Variants in MAN1A2 observed in about 807,000 individuals in gnomAD.
The protein encoded by MAN1A2 is mannosyl-oligosaccharide 1,2-alpha-mannosidase IB.
MAN1A2 carries 26 observed loss-of-function variants against 75.7 expected under a neutral mutation model. That is an observed-to-expected ratio of 0.34 (90% CI 0.25 to 0.48). The LOEUF (loss-of-function observed/expected upper bound fraction) is 0.48. Among genes scored for constraint, MAN1A2 ranks in the 20% least tolerant of loss-of-function variants. MAN1A2 has a pLI of 0.99. For synonymous variants in MAN1A2, 247 were observed against 264.6 expected (o/e 0.93, Z 0.65); for missense variants, 562 against 775.5 (o/e 0.72, Z 3.27).
chr1:117,458,997 CT>C (rs1649722875), intron 6 of MAN1A2, among the ~76,000 whole-genome samples: 1 of 152,010 alleles, frequency 6.6e-6, no homozygotes, highest in Admixed American at 6.6e-5. Flanking sequence ...GTCATGAAAG[CT>C]AGACAAAATA....
rs1252608848 is a variant in MAN1A2, at chr1:117,523,671, C to G, written c.*714C>G. On this transcript the variant is annotated 3_prime_UTR_variant, in exon 13 of 13. Coordinates refer to ENST00000356554, the MANE Select transcript of MAN1A2 (RefSeq NM_006699.5). ...TTTTCTTCTTATGGAATCATCGAAA[C>G]TGCTATTTATCATAATCACCACTTA... The G allele has an allele frequency of 6.3e-6, 1 of 159,734 alleles. No homozygotes were observed. The highest frequency in any genetic ancestry group is 2.4e-5 in the African/African-American group (1 of 41,422). 9.9% of individuals were successfully genotyped at this position (159,734 alleles called of 1,614,324 possible).
At chr1:117,386,839 A>G (rs1475432709) in intron 1 of MAN1A2, among the ~76,000 whole-genome samples, 2 of 152,046 alleles carry the variant, frequency 1.3e-5, no homozygotes, top group African/African-American at 4.8e-5. Context: ...GGATCATTGA[A>G]GCAGGAGGCT....
At chr1:117,407,533 A>G (rs924711893) in intron 3 of MAN1A2, among the ~76,000 whole-genome samples, 2 of 152,158 alleles carry the variant, frequency 1.3e-5, no homozygotes, top group Non-Finnish European at 2.9e-5. Context: ...GCAATATTCT[A>G]GATTTTAGGG....
At chr1:117,388,165 G>A (rs559756089) in intron 1 of MAN1A2, among the ~76,000 whole-genome samples, 4 of 149,138 alleles carry the variant, frequency 2.7e-5, no homozygotes, top group East Asian at 3.9e-4. Flanking sequence ...TGGAGAGGCC[G>A]GACAGAAAGG....
intron 1 of MAN1A2, among the ~76,000 whole-genome samples, chr1:117,400,400 T>C (rs1043100882): frequency 6.6e-6 from 1 of 151,662 alleles, no homozygotes; most frequent in Non-Finnish European, 1.5e-5. Context: ...TCTTTTGGCA[T>C]ACAGGTTTAT....
chr1:117,459,209 A>C (rs539856171), intron 6 of MAN1A2, among the ~76,000 whole-genome samples: 1 of 152,336 alleles, frequency 6.6e-6, no homozygotes, highest in South Asian at 2.1e-4. Context: ...GAGCTGCTAA[A>C]ATGACTGAAA....
intron 8 of MAN1A2, among the ~76,000 whole-genome samples, chr1:117,470,660 G>A (rs1179098332): frequency 1.3e-5 from 2 of 151,812 alleles, no homozygotes; most frequent in African/African-American, 2.4e-5. Context: ...AAATCCTAGC[G>A]AGCTGCCCTG....
At chr1:117,484,712 T>G (rs1271499272) in intron 8 of MAN1A2, among the ~76,000 whole-genome samples, 1 of 152,016 alleles carries the variant, frequency 6.6e-6, no homozygotes, top group Non-Finnish European at 1.5e-5. Context: ...ATCTTTACAT[T>G]TGTTTACATT....
At chr1:117,376,895 T>G (rs1235120858) in intron 1 of MAN1A2, among the ~76,000 whole-genome samples, 1 of 152,242 alleles carries the variant, frequency 6.6e-6, no homozygotes. Flanking sequence ...TTAGGTATTA[T>G]AAGTAAGCTA....
rs1056665375 is a variant in MAN1A2, at chr1:117,368,010, G to T, written c.-174G>T. 4.9e-6 allele frequency: 3 copies of T among 610,650 alleles called. No individual in the cohort carries two copies. The Admixed American group carries it at 9.2e-5, about 19-fold the overall frequency. 37.8% of individuals were successfully genotyped at this position (610,650 alleles called of 1,614,324 possible). A position where few individuals can be genotyped will look rare whatever the true frequency, so the allele number is the denominator to read the frequency against. ...TTTGGGGGAGGTCACACACGTTTCTGAGTGGGAATGGATGGGCGTGAATGA... is the reference window on the plus strand; with the variant it reads ...TTTGGGGGAGGTCACACACGTTTCTTAGTGGGAATGGATGGGCGTGAATGA... On this transcript the variant is annotated 5_prime_UTR_variant, in exon 1 of 13. Transcript: ENST00000356554.
intron 5 of MAN1A2, among the ~76,000 whole-genome samples, chr1:117,427,353 C>A (rs569738498): frequency 8.2e-4 from 125 of 152,222 alleles, no homozygotes; most frequent in African/African-American, 2.7e-3. Context: ...ATGAAAACTT[C>A]AGTGTTTAAA....
intron 8 of MAN1A2, among the ~76,000 whole-genome samples, chr1:117,480,078 C>T (rs566010164): frequency 1.5e-4 from 23 of 151,986 alleles, no homozygotes; most frequent in African/African-American, 5.3e-4. Flanking sequence ...AGGCAGTGTT[C>T]CCACCAGTCC....
chr1:117,396,230 A>G (rs949648952), intron 1 of MAN1A2, among the ~76,000 whole-genome samples: 2 of 152,208 alleles, frequency 1.3e-5, no homozygotes, highest in Non-Finnish European at 2.9e-5. Flanking sequence ...CTTTAAAACT[A>G]TTAGTTGTGG....
intron 11 of MAN1A2, among the ~76,000 whole-genome samples, chr1:117,501,241 A>C (rs1227570868): frequency 6.6e-6 from 1 of 151,778 alleles, no homozygotes; most frequent in Non-Finnish European, 1.5e-5. Context: ...ACACAAACTC[A>C]ATGTATAATC....
chr1:117,411,003 A>G (rs1192403508), intron 3 of MAN1A2, among the ~76,000 whole-genome samples: 2 of 151,802 alleles, frequency 1.3e-5, no homozygotes, highest in African/African-American at 4.8e-5. Context: ...TGAATATTCA[A>G]TATTGTTGGG....
intron 6 of MAN1A2, among the ~76,000 whole-genome samples, chr1:117,451,121 G>A (rs753520561): frequency 6.6e-6 from 1 of 152,222 alleles, no homozygotes; most frequent in Non-Finnish European, 1.5e-5. Flanking sequence ...CAAAGCCATA[G>A]GGGCAGAGCT....
chr1:117,429,325 C>T (rs1648494613), intron 5 of MAN1A2, among the ~76,000 whole-genome samples: 1 of 140,372 alleles, frequency 7.1e-6, no homozygotes, highest in African/African-American at 2.6e-5. Flanking sequence ...GGGCACACCT[C>T]CCAGACGGGG....
At chr1:117,465,215 C>T (rs1283888362) in intron 7 of MAN1A2, among the ~76,000 whole-genome samples, 3 of 151,876 alleles carry the variant, frequency 2.0e-5, no homozygotes, top group Non-Finnish European at 4.4e-5. Context: ...TTGAGAAAAG[C>T]TAGTAAATGT....
intron 8 of MAN1A2, among the ~76,000 whole-genome samples, chr1:117,481,910 G>A (rs1367411759): frequency 1.3e-5 from 2 of 151,878 alleles, no homozygotes; most frequent in Non-Finnish European, 2.9e-5. Context: ...GATATTCCTA[G>A]AAATTTTTCT....
Sources: allele counts gnomAD v4.1 joint callset (sites outside exome capture counted in the v4.1 genomes callset), GRCh38; gene constraint gnomAD v4.1.1; transcripts MANE v1.5; gene names NCBI Gene and HGNC (gene_info 2026-07-23, HGNC 2026-07-21).